RBFOX1: variants seen among roughly 807,000 people sequenced by gnomAD.
The protein encoded by RBFOX1 is RNA binding protein fox-1 homolog 1.
Under a neutral mutation model 57.7 loss-of-function variants are expected in RBFOX1, and 8 were observed. The ratio of observed to expected loss-of-function variants is 0.14; its 90% CI spans 0.08 to 0.25. The LOEUF (loss-of-function observed/expected upper bound fraction) is 0.25, where lower values mean the gene tolerates loss of function less well. Ranked by LOEUF, RBFOX1 falls within the 10% of genes least tolerant of loss-of-function variation. RBFOX1 has a pLI of 1.00. For synonymous variants in RBFOX1, 326 were observed against 222.4 expected (o/e 1.47, Z -4.15); for missense variants, 611 against 548.5 (o/e 1.11, Z -1.14).
At chr16:7,009,716 C>A (rs1042672049) in intron 3 of RBFOX1, among the ~76,000 whole-genome samples, 1 of 152,130 alleles carries the variant, frequency 6.6e-6, no homozygotes, top group South Asian at 2.1e-4. Flanking sequence ...TTGAGCCAAC[C>A]TAATCAGCCT....
chr16:7,004,140 T>C (rs972463802), intron 3 of RBFOX1: 3 of 152,130 alleles, frequency 2.0e-5, no homozygotes, highest in Admixed American at 2.0e-4. Flanking sequence ...TTGTACTTAA[T>C]AGAGCATCTT....
intron 10 of RBFOX1, among the ~76,000 whole-genome samples, chr16:7,621,393 TG>T (rs1166917821): frequency 3.9e-5 from 6 of 152,078 alleles, no homozygotes; most frequent in Non-Finnish European, 8.8e-5. Flanking sequence ...CCCAAGTAGC[TG>T]GGGTTACAGG....
intron 1 of RBFOX1, among the ~76,000 whole-genome samples, chr16:6,308,598 T>C (rs756582794): frequency 3.9e-5 from 6 of 152,142 alleles, no homozygotes; most frequent in Non-Finnish European, 7.3e-5. Context: ...CACCAAAATG[T>C]ATGTTGTAAG....
intron 1 of RBFOX1, among the ~76,000 whole-genome samples, chr16:6,142,782 T>A (rs541595137): frequency 1.3e-5 from 2 of 152,334 alleles, no homozygotes; most frequent in Non-Finnish European, 2.9e-5. Context: ...TTCTTCTCAC[T>A]TACTGTTAGT....
At chr16:5,343,082 A>T in intron 1 of RBFOX1, among the ~76,000 whole-genome samples, 1 of 152,186 alleles carries the variant, frequency 6.6e-6, no homozygotes, top group Non-Finnish European at 1.5e-5. Context: ...TGGTTAGCTT[A>T]GTGTAAGGCT....
At position 7,518,292 on chromosome 16, in the gene RBFOX1, T is replaced by C. The variant is rs1360275314; in HGVS notation, c.173T>C (p.Val58Ala). Residue 58 changes from valine to alanine, a missense_variant, in exon 5 of 16, where the codon GTT (valine) becomes GCT (alanine). Val to Ala is a moderately conservative substitution (Grantham distance 64, BLOSUM62 0). Around this residue, in one of 3 missense-constraint regions of RBFOX1, gnomAD observed 245 missense variants for 159.1 expected, o/e 1.54. Transcript: ENST00000550418. ...CCAGAGTACACAGGCCAGACCACGG[T>C]TCCCGAGCACACATTAAACCTGTAC... is the stretch of plus-strand genomic sequence containing the variant. Reference protein sequence around the residue: ...PAPEYTGQTTVPEHTLNLYPP... With the variant: ...PAPEYTGQTTAPEHTLNLYPP... 1.2e-6 allele frequency: 2 copies of C among 1,613,920 alleles called. No homozygotes were observed. The highest frequency in any genetic ancestry group is 2.7e-5 in the African/African-American group (2 of 74,904).
chr16:5,848,789 A>C (rs1237782617), intron 3 of RBFOX1, among the ~76,000 whole-genome samples: 5 of 152,110 alleles, frequency 3.3e-5, no homozygotes, highest in Non-Finnish European at 7.3e-5. Flanking sequence ...TCTAATAAAA[A>C]AATACAAAAA....
chr16:6,569,732 C>A (rs1004064167), intron 2 of RBFOX1, among the ~76,000 whole-genome samples: 6 of 152,186 alleles, frequency 3.9e-5, no homozygotes, highest in African/African-American at 1.2e-4. Flanking sequence ...ATTTAGTATT[C>A]TCCCTTCATT....
At chr16:5,640,812 A>G (rs994661025) in intron 3 of RBFOX1, among the ~76,000 whole-genome samples, 10 of 150,162 alleles carry the variant, frequency 6.7e-5, no homozygotes, top group Middle Eastern at 3.2e-3. Context: ...ATACACATGC[A>G]CACCATGGAT....
At chr16:6,642,645 A>G (rs929598) in intron 2 of RBFOX1, among the ~76,000 whole-genome samples, 86,240 of 151,840 alleles carry the variant, frequency 0.57, 25,796 homozygotes, top group South Asian at 0.81. Flanking sequence ...GGAGGTAGGG[A>G]TGCCAAAGAA....
intron 1 of RBFOX1, among the ~76,000 whole-genome samples, chr16:6,229,430 C>G (rs186422451): frequency 1.2e-4 from 18 of 152,280 alleles, no homozygotes; most frequent in Middle Eastern, 3.4e-3. Context: ...AGTTTCCACC[C>G]TCCCTTTTGT....
chr16:5,905,100 T>A (rs1415966781), intron 4 of RBFOX1, among the ~76,000 whole-genome samples: 1 of 127,226 alleles, frequency 7.9e-6, no homozygotes, highest in Non-Finnish European at 1.6e-5. Context: ...AGAGTTTTGC[T>A]CTTGTTGCCC....
chr16:6,962,594 C>T (rs751373111), intron 3 of RBFOX1, among the ~76,000 whole-genome samples: 2 of 152,128 alleles, frequency 1.3e-5, no homozygotes, highest in Non-Finnish European at 2.9e-5. Context: ...GAGCCAGGAG[C>T]TCATGCCTAC....
At chr16:5,397,153 G>A (rs926107368) in intron 1 of RBFOX1, among the ~76,000 whole-genome samples, 5 of 152,230 alleles carry the variant, frequency 3.3e-5, no homozygotes, top group Non-Finnish European at 5.9e-5. Context: ...AACCACAGGT[G>A]TCTGGTCATT....
chr16:5,581,601 C>G (rs1283043642), intron 2 of RBFOX1, among the ~76,000 whole-genome samples: 1 of 152,188 alleles, frequency 6.6e-6, no homozygotes, highest in Non-Finnish European at 1.5e-5. Flanking sequence ...TGTGGAACAT[C>G]AGGGAAGGCT....
At position 7,293,425 on chromosome 16, in the gene RBFOX1, G is replaced by C. The variant is rs536250693; in HGVS notation, c.28-224722G>C. ...GATGACTCTACCGATCCTTGTCTGT[G>C]TTTTTAAAATGAGAATCACATCTTC... is the stretch of plus-strand genomic sequence containing the variant. On this transcript the variant is annotated intron_variant, in intron 4 of 15. Coordinates refer to ENST00000550418, the MANE Select transcript of RBFOX1 (RefSeq NM_018723.4). Among the ~76,000 whole-genome samples, 17 of 152,234 alleles carry C rather than the reference G, an allele frequency of 1.1e-4. No homozygotes were observed. The South Asian group carries it at 3.1e-3, about 28-fold the overall frequency.
At chr16:6,091,126 C>T (rs1283858778) in intron 1 of RBFOX1, among the ~76,000 whole-genome samples, 2 of 152,210 alleles carry the variant, frequency 1.3e-5, no homozygotes, top group Admixed American at 6.5e-5. Context: ...TGTCACCTTA[C>T]TGTGCTGTGG....
At chr16:5,483,500 C>T (rs1424569908) in intron 2 of RBFOX1, among the ~76,000 whole-genome samples, 1 of 152,192 alleles carries the variant, frequency 6.6e-6, no homozygotes, top group African/African-American at 2.4e-5. Context: ...GTCTTATTTC[C>T]ACACCCTTCT....
chr16:5,982,302 C>A (rs903853862), intron 4 of RBFOX1, among the ~76,000 whole-genome samples: 1 of 151,530 alleles, frequency 6.6e-6, no homozygotes, highest in South Asian at 2.1e-4. Flanking sequence ...GAGATGGAGT[C>A]TCGCTCTGTT....
Sources: gnomAD v4.1 joint callset for allele counts (sites outside exome capture counted in the v4.1 genomes callset) on GRCh38, gnomAD v4.1.1 for gene constraint, gnomAD v4.1.1 regional missense constraint, MANE v1.5 for transcripts, NCBI Gene and HGNC (gene_info 2026-07-23, HGNC 2026-07-21) for gene names.